Variants in CTNNA2 observed in about 807,000 individuals in gnomAD.
The protein encoded by CTNNA2 is catenin alpha-2.
A neutral mutation model predicts 101.0 loss-of-function variants in CTNNA2; 42 were observed. That is an observed-to-expected ratio of 0.42 (90% CI 0.32 to 0.54). The LOEUF (loss-of-function observed/expected upper bound fraction) is 0.54. CTNNA2 is among the 20% of genes least tolerant of loss of function. The pLI, the probability that CTNNA2 is intolerant of heterozygous loss-of-function variation, is 0.14. For missense variants in CTNNA2, 871 were observed against 1,223.1 expected, an observed-to-expected ratio of 0.71 and a Z score of 4.29; for synonymous variants, 450 against 456.4, an observed-to-expected ratio of 0.99 and a Z score of 0.18.
At chr2:80,165,226 A>T (rs993681326) in intron 7 of CTNNA2, among the ~76,000 whole-genome samples, 30 of 151,224 alleles carry the variant, frequency 2.0e-4, no homozygotes, top group African/African-American at 7.3e-4. Context: ...TTTGTTAATT[A>T]ATTTATTTTT....
intron 7 of CTNNA2, among the ~76,000 whole-genome samples, chr2:79,996,832 C>A (rs1290567223): frequency 6.6e-6 from 1 of 152,168 alleles, no homozygotes; most frequent in Non-Finnish European, 1.5e-5. Flanking sequence ...TGCTCAGAAA[C>A]ATCCAAGGCA....
At position 79,342,182 on chromosome 2, in the gene CTNNA2, T is replaced by C. The variant is rs114090350; in HGVS notation, c.-318+29386T>C. Reference sequence around the variant, plus strand: ...ATTAGCTAATACTCACATGGGAACATAAAGCTGAGATGGAAAGTACGGAGG... The same window carrying C: ...ATTAGCTAATACTCACATGGGAACACAAAGCTGAGATGGAAAGTACGGAGG... On this transcript the variant is annotated intron_variant, in intron 3 of 21. Transcript: ENST00000466387. Among the ~76,000 whole-genome samples, 771 of 152,284 alleles carry C rather than the reference T, an allele frequency of 5.1e-3. 8 individuals carry two copies. The highest frequency in any genetic ancestry group is 0.017 in the African/African-American group (725 of 41,558).
At chr2:79,924,583 G>A (rs1283258245) in intron 7 of CTNNA2, among the ~76,000 whole-genome samples, 2 of 152,112 alleles carry the variant, frequency 1.3e-5, no homozygotes, top group Non-Finnish European at 2.9e-5. Context: ...CAAGGTTTTA[G>A]ATTTCTTCCA....
intron 7 of CTNNA2, among the ~76,000 whole-genome samples, chr2:80,332,092 T>A (rs1167631599): frequency 1.3e-5 from 2 of 152,086 alleles, no homozygotes; most frequent in Non-Finnish European, 2.9e-5. Context: ...GTCTAATTGC[T>A]CTATAATGAA....
At chr2:80,593,845 A>G (rs537633083) in intron 15 of CTNNA2, among the ~76,000 whole-genome samples, 1 of 152,272 alleles carries the variant, frequency 6.6e-6, no homozygotes, top group African/African-American at 2.4e-5. Flanking sequence ...CATTGAATGC[A>G]TGTACCACCC....
intron 12 of CTNNA2, among the ~76,000 whole-genome samples, chr2:80,571,787 T>A (rs1013298348): frequency 2.0e-5 from 3 of 152,138 alleles, no homozygotes; most frequent in African/African-American, 7.2e-5. Flanking sequence ...CATATCAAAG[T>A]GGTTCCTGAG....
At chr2:79,522,590 T>C (rs528749646) in intron 1 of CTNNA2, among the ~76,000 whole-genome samples, 12 of 152,106 alleles carry the variant, frequency 7.9e-5, no homozygotes, top group African/African-American at 2.9e-4. Context: ...GAGGAGGGGG[T>C]GACCTTGTAT....
chr2:80,448,356 T>C (rs943715458), intron 9 of CTNNA2, among the ~76,000 whole-genome samples: 3 of 152,220 alleles, frequency 2.0e-5, no homozygotes, highest in African/African-American at 7.2e-5. Flanking sequence ...AATCTCAAAA[T>C]CTTCAAATAG....
rs567226632 is a variant in CTNNA2 at position 79,298,370 on chromosome 2, C to A, written c.-405-14339C>A. On this transcript the variant is annotated intron_variant, in intron 2 of 21. Transcript: ENST00000466387. Reference sequence around the variant, plus strand: ...CTTATGAGGAATCAGACCCTTGACCCAAACACCTCCCACCAGGTCCACCTC... The same window carrying A: ...CTTATGAGGAATCAGACCCTTGACCAAAACACCTCCCACCAGGTCCACCTC... Among the ~76,000 whole-genome samples, 6 of 152,220 alleles carry A rather than the reference C, an allele frequency of 3.9e-5. 1 individual carries two copies. Among genetic ancestry groups the A allele is most frequent in the East Asian group, 1.9e-4 (1 of 5,166 alleles).
In CTNNA2 at chr2:79,318,656, A is replaced by T. The variant is rs149213575; in HGVS notation, c.-318+5860A>T. ...AATATTCTAAAGTAAGGTTTATCAA[A>T]CTATGGCTTACAGCCAAATCTAGCC... is the stretch of plus-strand genomic sequence containing the variant. On this transcript the variant is annotated intron_variant, in intron 3 of 21. Transcript: ENST00000466387. Among the ~76,000 whole-genome samples, 1,028 of 152,372 alleles carry T rather than the reference A, an allele frequency of 6.7e-3. 4 individuals carry two copies. Among genetic ancestry groups the T allele is most frequent in the South Asian group, 0.016 (78 of 4,830 alleles).
chr2:79,481,194 G>A (rs1003176694), intron 4 of CTNNA2, among the ~76,000 whole-genome samples: 12 of 152,084 alleles, frequency 7.9e-5, no homozygotes, highest in Non-Finnish European at 1.6e-4. Context: ...TATGTAATCG[G>A]AAAAACTTAG....
chr2:79,276,814 G>A (rs752998241), intron 2 of CTNNA2, among the ~76,000 whole-genome samples: 3 of 151,848 alleles, frequency 2.0e-5, no homozygotes, highest in Non-Finnish European at 4.4e-5. Context: ...GTGTTTCCTT[G>A]TCATGAAAAT....
At chr2:79,409,206 G>A (rs1242395169) in intron 4 of CTNNA2, among the ~76,000 whole-genome samples, 2 of 152,140 alleles carry the variant, frequency 1.3e-5, no homozygotes, top group Non-Finnish European at 2.9e-5. Context: ...TTAGCCCTTT[G>A]TCAGATGAGT....
Position 80,648,485 on chromosome 2 carries a change from T to A in CTNNA2, c.*613T>A, listed in dbSNP as rs1674346580. 6.6e-6 allele frequency: 1 copy of A among 152,542 alleles called. No homozygotes were observed. The highest frequency in any genetic ancestry group is 6.6e-5 in the Admixed American group (1 of 15,254). 9.4% of individuals were successfully genotyped at this position (152,542 alleles called of 1,614,324 possible). A position where few individuals can be genotyped will look rare whatever the true frequency, so the allele number is the denominator to read the frequency against. On this transcript the variant is annotated 3_prime_UTR_variant, in exon 19 of 19. Transcript: ENST00000402739. ...CTTCTAGTTGTGCCATTACTAGTGA[T>A]CATGTTTTTTTCCCCCCTTTAATGA...
At chr2:79,668,886 C>T (rs1244887194) in intron 2 of CTNNA2, among the ~76,000 whole-genome samples, 6 of 152,112 alleles carry the variant, frequency 3.9e-5, no homozygotes, top group South Asian at 2.1e-4. Flanking sequence ...TCCAATCAAA[C>T]AGAGGAACAC....
At chr2:80,385,701 C>G (rs974903297) in intron 7 of CTNNA2, among the ~76,000 whole-genome samples, 3 of 152,126 alleles carry the variant, frequency 2.0e-5, no homozygotes, top group African/African-American at 7.2e-5. Context: ...CTCATCATCT[C>G]TCCCTCCTGT....
At chr2:80,264,468 A>G (rs1672854485) in intron 7 of CTNNA2, among the ~76,000 whole-genome samples, 1 of 152,118 alleles carries the variant, frequency 6.6e-6, no homozygotes. Context: ...CATGCCCAAT[A>G]TTCATATATT....
At chr2:79,677,124 TAC>T (rs1683240686) in intron 2 of CTNNA2, among the ~76,000 whole-genome samples, 1 of 152,232 alleles carries the variant, frequency 6.6e-6, no homozygotes, top group Admixed American at 6.5e-5. Flanking sequence ...TCAAATAAGT[TAC>T]AGTTATTCAT....
At chr2:79,427,290 T>G (rs1490791273) in intron 4 of CTNNA2, among the ~76,000 whole-genome samples, 1 of 152,008 alleles carries the variant, frequency 6.6e-6, no homozygotes, top group Non-Finnish European at 1.5e-5. Context: ...CTCGTTCTGG[T>G]AGTATCATCC....
Sources: allele counts gnomAD v4.1 joint callset (sites outside exome capture counted in the v4.1 genomes callset), GRCh38; gene constraint gnomAD v4.1.1; transcripts MANE v1.5; gene names NCBI Gene and HGNC (gene_info 2026-07-23, HGNC 2026-07-21).